The following RNF170 variants were observed in gnomAD, a reference collection of about 807,000 sequenced individuals.
RNF170 encodes the protein ring finger protein 170.
In RNF170, 12 loss-of-function variants were observed where a neutral mutation model predicts 32.7. The ratio of observed to expected loss-of-function variants is 0.37; its 90% CI spans 0.24 to 0.60. The LOEUF (loss-of-function observed/expected upper bound fraction) is 0.60. RNF170 is among the 20% of genes least tolerant of loss of function. The pLI, the probability that RNF170 is intolerant of heterozygous loss-of-function variation, is 0.72. For synonymous variants in RNF170, 91 were observed against 103.6 expected, an observed-to-expected ratio of 0.88 and a Z score of 0.74; for missense variants, 212 against 311.2, an observed-to-expected ratio of 0.68 and a Z score of 2.40.
downstream of RNF170, chr8:42,850,193 GTGGGGACAAAT>G: frequency 6.3e-6 from 1 of 158,522 alleles, no homozygotes; most frequent in Admixed American, 6.0e-5. Flanking sequence ...AGAGTGAGCT[GTGGGGACAAAT>G]GTGAGATGAG....
chr8:42,850,661 T>C (rs1371424889), downstream of RNF170: 18 of 1,001,214 alleles, frequency 1.8e-5, no homozygotes, highest in Non-Finnish European at 2.5e-5. Flanking sequence ...AATGTCAATA[T>C]GATGATGCTG....
chr8:42,887,660 CATT>C lies in RNF170; in HGVS notation c.137+65_137+67del, dbSNP rs146069669. 4,316 of 1,374,808 alleles carry C rather than the reference CATT, an allele frequency of 3.1e-3. 80 individuals are homozygous for C. In the African/African-American group the frequency reaches 0.041, roughly 13 times the overall value. The allele number at this position is 1,374,808 out of a possible 1,614,324, so 85.2% of individuals were successfully genotyped here. The stretch of plus-strand genomic sequence containing the variant: ...CTTGCTGTTCATATTAAGTATTATA[CATT>C]ATTAGGGGTCAAAAAGTCAGCAGCC... On this transcript the variant is annotated intron_variant, in intron 2 of 6. Transcript: ENST00000527424.
At chr8:42,869,202 G>C (rs541511599) in intron 4 of RNF170, among the ~76,000 whole-genome samples, 1 of 152,136 alleles carries the variant, frequency 6.6e-6, no homozygotes, top group Non-Finnish European at 1.5e-5. Context: ...GAGCCACAGC[G>C]CCTGGCCTCT....
downstream of RNF170, among the ~76,000 whole-genome samples, chr8:42,851,327 C>T (rs909876426): frequency 7.2e-5 from 11 of 151,960 alleles, no homozygotes; most frequent in East Asian, 7.7e-4. Flanking sequence ...TTTGGGAGGC[C>T]GGGACTGGCG....
At chr8:42,864,950 C>T (rs1586496941) in intron 5 of RNF170, among the ~76,000 whole-genome samples, 1 of 147,638 alleles carries the variant, frequency 6.8e-6, no homozygotes, top group Non-Finnish European at 1.5e-5. Flanking sequence ...GGGCCGGGTA[C>T]AGTTTAAAAA....
At chr8:42,895,109 AT>A (rs1355407944) in intron 1 of RNF170, among the ~76,000 whole-genome samples, 1 of 151,790 alleles carries the variant, frequency 6.6e-6, no homozygotes. Context: ...GAGCCCAGGA[AT>A]TTGAGACCAG....
chr8:42,859,765 C>T (rs920036650), intron 6 of RNF170, among the ~76,000 whole-genome samples: 1 of 152,198 alleles, frequency 6.6e-6, no homozygotes, highest in Admixed American at 6.5e-5. Flanking sequence ...CCTCCCACCT[C>T]AGCCTCCCAA....
chr8:42,877,585 A>G (rs909969328), intron 2 of RNF170, among the ~76,000 whole-genome samples: 19 of 152,220 alleles, frequency 1.2e-4, no homozygotes, highest in African/African-American at 4.1e-4. Flanking sequence ...CTTTCAACAA[A>G]TAAGTGCCAG....
intron 4 of RNF170, among the ~76,000 whole-genome samples, chr8:42,867,328 A>T: frequency 6.6e-6 from 1 of 151,860 alleles, no homozygotes; most frequent in Admixed American, 6.6e-5. Context: ...AAAATTAGCC[A>T]GGCTTGGTGG....
chr8:42,880,543 G>A (rs186287113), intron 2 of RNF170, among the ~76,000 whole-genome samples: 8 of 152,260 alleles, frequency 5.3e-5, no homozygotes, highest in Admixed American at 2.6e-4. Context: ...AGGCTGAGGC[G>A]GGCGGATCAT....
chr8:42,888,204 T>C (rs1051131912), intron 1 of RNF170, among the ~76,000 whole-genome samples: 2 of 151,934 alleles, frequency 1.3e-5, no homozygotes, highest in African/African-American at 4.8e-5. Flanking sequence ...TAGCTGGGAC[T>C]ACAGGCGCGC....
Position 42,853,646 on chromosome 8 carries a change from A to G in RNF170, c.*2513T>C. 1 of 1,284,886 alleles carries G rather than the reference A, an allele frequency of 7.8e-7. No homozygotes were observed. Among genetic ancestry groups the G allele is most frequent in the Non-Finnish European group, 1.0e-6 (1 of 987,104 alleles). 79.6% of individuals were successfully genotyped at this position (1,284,886 alleles called of 1,614,324 possible). ...AATCCAAATTGTTACTTTGATTTAT[A>G]TGATCTAACTCTGAATCACGGAAGT... On this transcript the variant is annotated 3_prime_UTR_variant, in exon 7 of 7. Coordinates refer to ENST00000527424, the MANE Select transcript of RNF170 (RefSeq NM_030954.4).
At chr8:42,896,748 AGCG>A (rs570533730), upstream of RNF170, 6,218 of 145,686 alleles carry the variant, frequency 0.043, 245 homozygotes, top group African/African-American at 0.1. Context: ...GCCCGGCGGC[AGCG>A]GCGGCGGCGG....
intron 4 of RNF170, among the ~76,000 whole-genome samples, chr8:42,866,813 G>A (rs1038394391): frequency 6.6e-6 from 1 of 152,178 alleles, no homozygotes; most frequent in Non-Finnish European, 1.5e-5. Context: ...TGTGCCAAGT[G>A]TATAAGCACC....
chr8:42,853,275 T>C (rs141939520), downstream of RNF170: 1,389 of 1,114,264 alleles, frequency 1.2e-3, 13 homozygotes, highest in South Asian at 9.4e-3. Context: ...AACTGTTAAA[T>C]AAACAGAAAA....
At chr8:42,897,264 G>A (rs991467644), upstream of RNF170, 26 of 1,058,082 alleles carry the variant, frequency 2.5e-5, no homozygotes, top group Non-Finnish European at 6.0e-6. Flanking sequence ...CGCGGCCCGT[G>A]GGGCGAGCGC....
In RNF170 at chr8:42,887,722, T is replaced by C; in HGVS notation, c.137+6A>G. On this transcript the variant is annotated splice_donor_region_variant and intron_variant, in intron 2 of 6. Transcript: ENST00000527424. ...TCTACTCAATTCTTTTGTCCTTAAA[T>C]CTCACCTGAAAAGTGCATATACCAG... is the stretch of plus-strand genomic sequence containing the variant. 6.2e-7 allele frequency: 1 copy of C among 1,614,040 alleles called. No individual in the cohort carries two copies. Among genetic ancestry groups the C allele is most frequent in the Non-Finnish European group, 8.5e-7 (1 of 1,179,924 alleles).
At chr8:42,874,831 C>T (rs1263229432) in intron 2 of RNF170, among the ~76,000 whole-genome samples, 3 of 151,876 alleles carry the variant, frequency 2.0e-5, no homozygotes, top group Non-Finnish European at 2.9e-5. Context: ...CAAAGGCAAG[C>T]GGTTAGTGGC....
intron 2 of RNF170, chr8:42,881,409 G>C (rs560879870): frequency 9.9e-5 from 15 of 152,166 alleles, no homozygotes; most frequent in Non-Finnish European, 1.8e-4. Context: ...GGTTGCCTAA[G>C]GAGGAGTGAA....
Sources: gnomAD v4.1 joint callset for allele counts (sites outside exome capture counted in the v4.1 genomes callset) on GRCh38, gnomAD v4.1.1 for gene constraint, MANE v1.5 for transcripts, NCBI Gene and HGNC (gene_info 2026-07-23, HGNC 2026-07-21) for gene names.